Variants in HERPUD2 observed in about 807,000 individuals in gnomAD.
HERPUD2 encodes the protein HERPUD family member 2.
A neutral mutation model predicts 49.9 loss-of-function variants in HERPUD2; 13 were observed. The ratio of observed to expected loss-of-function variants is 0.26; its 90% CI spans 0.17 to 0.41. The LOEUF is 0.41. HERPUD2 is among the 10% of genes least tolerant of loss of function. The pLI is 1.00. For missense variants in HERPUD2, 449 were observed against 492.2 expected (o/e 0.91, Z 0.83); for synonymous variants, 172 against 171.4 (o/e 1.00, Z -0.03).
At chr7:35,664,323 T>C (rs1422863360) in intron 5 of HERPUD2, among the ~76,000 whole-genome samples, 2 of 152,186 alleles carry the variant, frequency 1.3e-5, no homozygotes, top group Non-Finnish European at 2.9e-5. Flanking sequence ...GCCCTTAACA[T>C]TTTTTTCTTC....
At chr7:35,644,377 A>G (rs1238916052) in intron 5 of HERPUD2, among the ~76,000 whole-genome samples, 3 of 152,210 alleles carry the variant, frequency 2.0e-5, no homozygotes, top group Non-Finnish European at 4.4e-5. Context: ...TTAGTCAGCT[A>G]TATTTAGACC....
chr7:35,640,019 A>AC (rs1445234343), intron 5 of HERPUD2, among the ~76,000 whole-genome samples: 15 of 151,982 alleles, frequency 9.9e-5, no homozygotes, highest in Admixed American at 7.9e-4. Context: ...ATGACACAGC[A>AC]CCTCCCCACC....
chr7:35,694,142 G>A, intron 2 of HERPUD2, 42 bp downstream of exon 2: 1 of 1,611,628 alleles, frequency 6.2e-7, no homozygotes, highest in African/African-American at 1.3e-5. Flanking sequence ...GGCACGAAAA[G>A]CTGCTGGTCA....
At chr7:35,668,915 T>G (rs938191703) in intron 4 of HERPUD2, among the ~76,000 whole-genome samples, 1 of 152,176 alleles carries the variant, frequency 6.6e-6, no homozygotes, top group Non-Finnish European at 1.5e-5. Context: ...ATTAGATCTT[T>G]AAAATATTTT....
chr7:35,646,610 G>A (rs559911443), intron 5 of HERPUD2, among the ~76,000 whole-genome samples: 1 of 152,080 alleles, frequency 6.6e-6, no homozygotes, highest in Non-Finnish European at 1.5e-5. Context: ...AATACAAAAT[G>A]TTAAATTAAT....
chr7:35,633,665 C>T lies in HERPUD2; in HGVS notation c.*25G>A, dbSNP rs1784822251. On this transcript the variant is annotated 3_prime_UTR_variant, in exon 9 of 9. Transcript: ENST00000311350. ...ACCACTTTCCTGAAGTCAGACCCTC[C>T]TTGTAGCTGGCACAGTTTTTCAGGT... 6.2e-7 allele frequency: 1 copy of T among 1,605,278 alleles called. No homozygotes were observed. The highest frequency in any genetic ancestry group is 8.5e-7 in the Non-Finnish European group (1 of 1,176,446).
At chr7:35,670,169 A>G (rs756415273) in intron 4 of HERPUD2, 46 bp downstream of exon 4, 1 of 925,326 alleles carries the variant, frequency 1.1e-6, no homozygotes, top group South Asian at 1.9e-5. Flanking sequence ...GACGACGACG[A>G]AAAAAAAAGA....
intron 5 of HERPUD2, among the ~76,000 whole-genome samples, chr7:35,647,466 A>G (rs1277678692): frequency 2.0e-5 from 3 of 152,208 alleles, no homozygotes; most frequent in African/African-American, 4.8e-5. Flanking sequence ...CCTAGTACAC[A>G]GCAGATTCTA....
At chr7:35,689,505 A>G (rs1198381424) in intron 2 of HERPUD2, among the ~76,000 whole-genome samples, 1 of 152,236 alleles carries the variant, frequency 6.6e-6, no homozygotes, top group Non-Finnish European at 1.5e-5. Context: ...CAAAACTAAG[A>G]GAGATAAAAT....
At chr7:35,645,016 G>A (rs144061478) in intron 5 of HERPUD2, among the ~76,000 whole-genome samples, 102 of 152,070 alleles carry the variant, frequency 6.7e-4, no homozygotes, top group African/African-American at 2.3e-3. Flanking sequence ...AAATTATAAG[G>A]TCTAGGTTTT....
At chr7:35,634,243 T>A (rs1379905911) in intron 8 of HERPUD2, 69 bp downstream of exon 8, 1 of 913,788 alleles carries the variant, frequency 1.1e-6, no homozygotes, top group Non-Finnish European at 1.8e-6. Flanking sequence ...CATTCTTTCA[T>A]CATGTTGGTC....
chr7:35,671,603 C>T (rs1483914295), intron 3 of HERPUD2, among the ~76,000 whole-genome samples: 1 of 151,930 alleles, frequency 6.6e-6, no homozygotes, highest in Non-Finnish European at 1.5e-5. Context: ...TTCTATAAAA[C>T]ATTTTGTGAC....
At chr7:35,694,121 G>A (rs1486148609) in intron 2 of HERPUD2, 63 bp downstream of exon 2, 2 of 1,569,888 alleles carry the variant, frequency 1.3e-6, no homozygotes, top group African/African-American at 2.7e-5. Context: ...GCAGGAAAAA[G>A]GAGGGTACAC....
chr7:35,662,915 T>C (rs980951755), intron 5 of HERPUD2, among the ~76,000 whole-genome samples: 3 of 152,230 alleles, frequency 2.0e-5, no homozygotes, highest in African/African-American at 7.2e-5. Context: ...CTGCCAGCTT[T>C]TGAATGTGTT....
intron 2 of HERPUD2, 86 bp downstream of exon 2, chr7:35,694,098 C>A: frequency 1.4e-6 from 2 of 1,426,686 alleles, no homozygotes; most frequent in Admixed American, 1.7e-5. Flanking sequence ...TGATTCAAGA[C>A]TGGAGGGGAG....
intron 5 of HERPUD2, among the ~76,000 whole-genome samples, chr7:35,642,478 T>C (rs1562668896): frequency 6.6e-6 from 1 of 152,082 alleles, no homozygotes; most frequent in Non-Finnish European, 1.5e-5. Context: ...CAAAGAAATA[T>C]AAATCATTCT....
chr7:35,682,341 GTGTGTGTGTGTGTGTGTATATATA>G (rs1562686253), intron 2 of HERPUD2, among the ~76,000 whole-genome samples: 2 of 24,968 alleles, frequency 8.0e-5, no homozygotes, highest in African/African-American at 2.9e-4. Flanking sequence ...GTGTGTGTGT[GTGTGTGTGTGTGTGTGTATATATA>G]TATATATATA....
At chr7:35,679,138 A>C (rs749111915) in intron 2 of HERPUD2, among the ~76,000 whole-genome samples, 23 of 152,240 alleles carry the variant, frequency 1.5e-4, no homozygotes, top group Non-Finnish European at 2.8e-4. Flanking sequence ...TTTAGTTAAA[A>C]ATAGAGGTAC....
intron 2 of HERPUD2, among the ~76,000 whole-genome samples, chr7:35,677,302 AT>A (rs1785784781): frequency 6.6e-6 from 1 of 152,174 alleles, no homozygotes; most frequent in Admixed American, 6.5e-5. Flanking sequence ...GCATAAAAAT[AT>A]TTTCCCCATT....
Sources: gnomAD v4.1 joint callset for allele counts (sites outside exome capture counted in the v4.1 genomes callset) on GRCh38, gnomAD v4.1.1 for gene constraint, MANE v1.5 for transcripts, NCBI Gene and HGNC (gene_info 2026-07-23, HGNC 2026-07-21) for gene names.